MAGI1: variants seen among roughly 807,000 people sequenced by gnomAD.
MAGI1 encodes the protein membrane associated guanylate kinase, WW and PDZ domain containing 1, also known as membrane-associated guanylate kinase, WW and PDZ domain-containing protein 1.
A neutral mutation model predicts 139.9 loss-of-function variants in MAGI1; 58 were observed. That is an observed-to-expected ratio of 0.41 (90% CI 0.34 to 0.52). The LOEUF (loss-of-function observed/expected upper bound fraction) is 0.52, where lower values mean the gene tolerates loss of function less well. Among genes scored for constraint, MAGI1 ranks in the 20% least tolerant of loss-of-function variants. MAGI1 has a pLI of 0.12. For synonymous variants in MAGI1, 812 were observed against 737.9 expected, an observed-to-expected ratio of 1.10 and a Z score of -1.63; for missense variants, 1,874 against 1,901.6, an observed-to-expected ratio of 0.99 and a Z score of 0.27.
intron 1 of MAGI1, among the ~76,000 whole-genome samples, chr3:65,970,179 G>C (rs1342003184): frequency 6.6e-6 from 1 of 152,154 alleles, no homozygotes; most frequent in Non-Finnish European, 1.5e-5. Context: ...ACACTATTTT[G>C]ACACATGCTA....
At chr3:65,615,148 G>A (rs1276821884) in intron 2 of MAGI1, among the ~76,000 whole-genome samples, 1 of 152,080 alleles carries the variant, frequency 6.6e-6, no homozygotes, top group Non-Finnish European at 1.5e-5. Context: ...GTAATAAATG[G>A]CATAATCCAC....
At chr3:66,031,699 A>G (rs1162455344) in intron 1 of MAGI1, among the ~76,000 whole-genome samples, 1 of 152,108 alleles carries the variant, frequency 6.6e-6, no homozygotes, top group Non-Finnish European at 1.5e-5. Flanking sequence ...AAAAAAAAAA[A>G]GACATAAATA....
intron 1 of MAGI1, among the ~76,000 whole-genome samples, chr3:65,631,972 C>T (rs940424702): frequency 3.3e-5 from 5 of 151,498 alleles, no homozygotes; most frequent in African/African-American, 1.2e-4. Flanking sequence ...TTGCAGTGAG[C>T]CAAGATCACA....
chr3:65,898,131 T>C (rs1257076501), intron 1 of MAGI1, among the ~76,000 whole-genome samples: 2 of 152,192 alleles, frequency 1.3e-5, no homozygotes, highest in African/African-American at 2.4e-5. Context: ...GAGTTTGATA[T>C]ACGATTTGGT....
At chr3:65,401,376 ACCTCC>A in intron 13 of MAGI1, 58 bp downstream of exon 13, 2 of 406,700 alleles carry the variant, frequency 4.9e-6, no homozygotes, top group Non-Finnish European at 8.9e-6. Context: ...GTACCCTCCC[ACCTCC>A]AGCCCCCCAC....
intron 14 of MAGI1, among the ~76,000 whole-genome samples, chr3:65,390,665 G>T (rs1389589162): frequency 2.6e-5 from 4 of 152,066 alleles, no homozygotes; most frequent in Middle Eastern, 3.4e-3. Context: ...CTTTTCATGG[G>T]GAATGTTTAG....
At chr3:65,577,824 C>A (rs1463399163) in intron 2 of MAGI1, among the ~76,000 whole-genome samples, 2 of 152,120 alleles carry the variant, frequency 1.3e-5, no homozygotes, top group Non-Finnish European at 2.9e-5. Context: ...TGAGAATAGT[C>A]GAACCATGTC....
intron 1 of MAGI1, among the ~76,000 whole-genome samples, chr3:65,679,964 G>A (rs79482597): frequency 0.042 from 6,353 of 152,232 alleles, 435 homozygotes; most frequent in African/African-American, 0.14. Context: ...CAAATAACTC[G>A]TATTTCAGGC....
intron 1 of MAGI1, among the ~76,000 whole-genome samples, chr3:65,821,025 C>A (rs1160146698): frequency 6.7e-6 from 1 of 149,272 alleles, no homozygotes; most frequent in African/African-American, 2.5e-5. Flanking sequence ...ACCCCAGGAG[C>A]CGGGGGTCAA....
chr3:65,494,812 A>C (rs902136013), intron 2 of MAGI1, among the ~76,000 whole-genome samples: 4 of 152,256 alleles, frequency 2.6e-5, no homozygotes, highest in Non-Finnish European at 4.4e-5. Context: ...GGATATTCAC[A>C]ATTTTCATAA....
At chr3:65,775,015 C>G (rs542604601) in intron 1 of MAGI1, among the ~76,000 whole-genome samples, 1 of 152,266 alleles carries the variant, frequency 6.6e-6, no homozygotes, top group South Asian at 2.1e-4. Flanking sequence ...ACAATAAGAG[C>G]TCAATAAATA....
intron 1 of MAGI1, among the ~76,000 whole-genome samples, chr3:65,961,039 G>C (rs1393379370): frequency 6.6e-6 from 1 of 152,154 alleles, no homozygotes; most frequent in Non-Finnish European, 1.5e-5. Flanking sequence ...TGCCAAATGA[G>C]AAATAAGAAA....
At chr3:65,833,997 T>G (rs1575645724) in intron 1 of MAGI1, among the ~76,000 whole-genome samples, 1 of 152,338 alleles carries the variant, frequency 6.6e-6, no homozygotes, top group East Asian at 1.9e-4. Flanking sequence ...ATTTGCAAAT[T>G]CTTACTCAGC....
At chr3:66,009,293 T>G (rs542548604) in intron 1 of MAGI1, 5 of 152,072 alleles carry the variant, frequency 3.3e-5, no homozygotes, top group African/African-American at 9.6e-5. Context: ...GCGGATCACC[T>G]GAGGTCAAGA....
intron 1 of MAGI1, among the ~76,000 whole-genome samples, chr3:65,893,231 T>C (rs897488896): frequency 2.0e-5 from 3 of 152,040 alleles, no homozygotes; most frequent in African/African-American, 7.2e-5. Context: ...ATTAGTCCTC[T>C]TTCTACCAAG....
intron 1 of MAGI1, among the ~76,000 whole-genome samples, chr3:65,648,341 G>A (rs550644317): frequency 1.8e-4 from 27 of 151,310 alleles, no homozygotes; most frequent in African/African-American, 5.8e-4. Flanking sequence ...ACACAGACAG[G>A]GTCTCATTAT....
chr3:66,007,038 A>G (rs564347147), intron 1 of MAGI1, among the ~76,000 whole-genome samples: 14 of 151,908 alleles, frequency 9.2e-5, no homozygotes, highest in South Asian at 4.1e-4. Flanking sequence ...ACAGAGTCCC[A>G]CTTCGTTGCC....
At chr3:65,445,680 A>G (rs73131692) in intron 7 of MAGI1, among the ~76,000 whole-genome samples, 7,433 of 152,230 alleles carry the variant, frequency 0.049, 262 homozygotes, top group Admixed American at 0.087. Flanking sequence ...GTGCTTTTTA[A>G]TTCTGGGGAG....
chr3:65,751,189 A>G (rs2036118097), intron 1 of MAGI1, among the ~76,000 whole-genome samples: 1 of 152,220 alleles, frequency 6.6e-6, no homozygotes, highest in Non-Finnish European at 1.5e-5. Context: ...AAAAGATGAG[A>G]AAGGTATCGA....
Sources: gnomAD v4.1 joint callset for allele counts (sites outside exome capture counted in the v4.1 genomes callset) on GRCh38, gnomAD v4.1.1 for gene constraint, MANE v1.5 for transcripts, NCBI Gene and HGNC (gene_info 2026-07-23, HGNC 2026-07-21) for gene names.